The following STK17B variants were observed in gnomAD, a reference collection of about 807,000 sequenced individuals.
STK17B encodes the protein serine/threonine kinase 17b.
STK17B carries 21 observed loss-of-function variants against 42.0 expected under a neutral mutation model. The ratio of observed to expected loss-of-function variants is 0.50; its 90% CI spans 0.35 to 0.72. The LOEUF (loss-of-function observed/expected upper bound fraction) is 0.72. Ranked by LOEUF, STK17B falls within the 30% of genes least tolerant of loss-of-function variation. The pLI is 0.00. For synonymous variants in STK17B, 143 were observed against 148.4 expected (o/e 0.96, Z 0.26); for missense variants, 349 against 446.0 (o/e 0.78, Z 1.96).
intron 3 of STK17B, 132 bp from the exon 4 acceptor site, chr2:196,146,187 G>A: frequency 1.0e-6 from 1 of 975,724 alleles, no homozygotes; most frequent in Non-Finnish European, 1.4e-6. Context: ...ATAGGGCAGG[G>A]AAGTGAGAGA....
At chr2:196,139,520 A>G (rs1699461733) in intron 7 of STK17B, 100 bp downstream of exon 7, 1 of 766,586 alleles carries the variant, frequency 1.3e-6, no homozygotes, top group African/African-American at 1.8e-5. Flanking sequence ...ATTTTATACT[A>G]TTTTAGAATA....
intron 6 of STK17B, 138 bp downstream of exon 6, chr2:196,141,111 C>T: frequency 1.5e-6 from 1 of 647,158 alleles, no homozygotes; most frequent in Non-Finnish European, 2.7e-6. Context: ...AAATATTTTC[C>T]TGTAGCATAA....
At chr2:196,174,945 G>A (rs910565637), upstream of STK17B, among the ~76,000 whole-genome samples, 1 of 152,272 alleles carries the variant, frequency 6.6e-6, no homozygotes, top group South Asian at 2.1e-4. Context: ...TGATCAACTA[G>A]GGCCAATATG....
chr2:196,142,027 T>A (rs1258302509), intron 5 of STK17B, among the ~76,000 whole-genome samples: 2 of 152,198 alleles, frequency 1.3e-5, no homozygotes. Context: ...TGCAATGACA[T>A]CATGAGCAAA....
chr2:196,169,874 T>G (rs753529464), intron 1 of STK17B, among the ~76,000 whole-genome samples: 1 of 150,204 alleles, frequency 6.7e-6, no homozygotes, highest in African/African-American at 2.5e-5. Context: ...CACCTCAATT[T>G]TGGATCCCTA....
intron 4 of STK17B, among the ~76,000 whole-genome samples, chr2:196,144,469 A>C (rs74761880): frequency 0.048 from 5,640 of 117,368 alleles, 310 homozygotes; most frequent in African/African-American, 0.14. Flanking sequence ...CCTGGGCGAC[A>C]GAGCGAGACT....
chr2:196,147,370 C>T (rs1428923220), intron 3 of STK17B, among the ~76,000 whole-genome samples: 4 of 151,838 alleles, frequency 2.6e-5, no homozygotes, highest in Admixed American at 1.3e-4. Flanking sequence ...GAATGGGCAG[C>T]GATTCTTTAG....
chr2:196,168,048 T>A (rs1334849511), intron 1 of STK17B, among the ~76,000 whole-genome samples: 1 of 152,242 alleles, frequency 6.6e-6, no homozygotes, highest in Non-Finnish European at 1.5e-5. Context: ...ATGATGATGA[T>A]TTTCAATTTC....
At chr2:196,164,411 G>T (rs1224647676) in intron 1 of STK17B, among the ~76,000 whole-genome samples, 2 of 152,120 alleles carry the variant, frequency 1.3e-5, no homozygotes, top group Non-Finnish European at 2.9e-5. Flanking sequence ...GCTCATATAT[G>T]TATCTGGAAA....
At chr2:196,147,095 C>T (rs943715494) in intron 3 of STK17B, among the ~76,000 whole-genome samples, 1 of 152,016 alleles carries the variant, frequency 6.6e-6, no homozygotes, top group African/African-American at 2.4e-5. Flanking sequence ...CAATAAAATC[C>T]ACAGATTTTT....
chr2:196,166,794 T>C (rs1473922254), intron 1 of STK17B, among the ~76,000 whole-genome samples: 1 of 152,252 alleles, frequency 6.6e-6, no homozygotes, highest in African/African-American at 2.4e-5. Context: ...AGACTATCTC[T>C]ATAAACCTCT....
chr2:196,150,989 A>G (rs1699658124), intron 3 of STK17B, among the ~76,000 whole-genome samples: 1 of 152,240 alleles, frequency 6.6e-6, no homozygotes. Flanking sequence ...TGTTAAGATC[A>G]TATTAAAATG....
intron 1 of STK17B, among the ~76,000 whole-genome samples, chr2:196,170,048 T>C (rs1177520968): frequency 6.6e-6 from 1 of 152,224 alleles, no homozygotes; most frequent in Non-Finnish European, 1.5e-5. Context: ...ACCGCTTCTA[T>C]GGACCAGTTT....
At chr2:196,171,137 G>C (rs1324161566) in intron 1 of STK17B, 196 bp downstream of exon 1, 1 of 152,696 alleles carries the variant, frequency 6.5e-6, no homozygotes, top group African/African-American at 2.4e-5. Flanking sequence ...AGGGAACCCG[G>C]ACTCCAGCCG....
chr2:196,156,597 A>AT lies in STK17B; in HGVS notation c.176dup (p.Tyr59Ter). 6.2e-7 allele frequency: 1 copy of AT among 1,614,052 alleles called. No homozygotes were observed. Among genetic ancestry groups the AT allele is most frequent in the Non-Finnish European group, 8.5e-7 (1 of 1,179,980 alleles). ...QCISKSTGQE[Y>*]AAKFLKKRRR... ...TTCTCTTTTTTAGAAATTTTGCAGC[A>AT]TATTCTTGGCCAGTAGATTTTGATA... The change falls in exon 3 of 8, where the codon TAT (tyrosine) becomes TAAT (stop). Residue 59 changes from tyrosine to a stop codon, truncating the protein, a stop_gained and frameshift_variant. Coordinates refer to ENST00000263955, the MANE Select transcript of STK17B (RefSeq NM_004226.4). LOFTEE classifies it high-confidence loss of function.
intron 3 of STK17B, among the ~76,000 whole-genome samples, chr2:196,148,744 C>A (rs1055573678): frequency 6.6e-6 from 1 of 152,118 alleles, no homozygotes; most frequent in Non-Finnish European, 1.5e-5. Flanking sequence ...TGATTATTTA[C>A]CAACATTTTA....
intron 4 of STK17B, among the ~76,000 whole-genome samples, chr2:196,144,486 CAAAAAAAAAAAAAAAAAAAAAAAA>C (rs869118381): frequency 1.8e-4 from 10 of 55,934 alleles, no homozygotes; most frequent in Non-Finnish European, 2.3e-4. Context: ...GACTCTGTCT[CAAAAAAAAAAAAAAAAAAAAAAAA>C]AAAAAAAAAA....
chr2:196,145,871 G>C (rs369541176), intron 4 of STK17B, 40 bp downstream of exon 4: 178 of 1,518,312 alleles, frequency 1.2e-4, no homozygotes, highest in Non-Finnish European at 1.5e-4. Flanking sequence ...AGCAGAAGAA[G>C]AACACAGATG....
intron 3 of STK17B, 113 bp from the exon 4 acceptor site, chr2:196,146,168 C>T: frequency 8.8e-7 from 1 of 1,140,780 alleles, no homozygotes; most frequent in Non-Finnish European, 1.2e-6. Context: ...TAATACGTTA[C>T]ACTTAAAAAT....
Sources: allele counts gnomAD v4.1 joint callset (sites outside exome capture counted in the v4.1 genomes callset), GRCh38; gene constraint gnomAD v4.1.1; transcripts MANE v1.5; gene names NCBI Gene and HGNC (gene_info 2026-07-23, HGNC 2026-07-21).